The following TTC39A variants were observed in gnomAD, a reference collection of about 807,000 sequenced individuals.
The protein encoded by TTC39A is tetratricopeptide repeat protein 39A.
In TTC39A, 46 loss-of-function variants were observed where a neutral mutation model predicts 82.3. That is an observed-to-expected ratio of 0.56 (90% CI 0.44 to 0.71). The LOEUF is 0.71. TTC39A is among the 30% of genes least tolerant of loss of function. The probability of loss-of-function intolerance (pLI) is 0.00; values close to 1 mark genes in which losing one functional copy is unlikely to be tolerated. For synonymous variants in TTC39A, 254 were observed against 275.2 expected, an observed-to-expected ratio of 0.92 and a Z score of 0.76; for missense variants, 543 against 712.9, an observed-to-expected ratio of 0.76 and a Z score of 2.71.
In TTC39A at chr1:51,287,319, C is replaced by T. The variant is rs916760606; in HGVS notation, c.*838G>A. Reference sequence around the variant, plus strand: ...AGCAAATGTACCTTGGAGTGAAGTACAGAAGATTTTTATGTTTCATAAATT... The same window carrying T: ...AGCAAATGTACCTTGGAGTGAAGTATAGAAGATTTTTATGTTTCATAAATT... On this transcript the variant is annotated 3_prime_UTR_variant, in exon 18 of 18. Transcript: ENST00000680483. 7 of 152,150 alleles carry T rather than the reference C, an allele frequency of 4.6e-5. No homozygotes were observed. The highest frequency in any genetic ancestry group is 3.3e-4 in the Admixed American group (5 of 15,278). 9.4% of individuals were successfully genotyped at this position (152,150 alleles called of 1,614,324 possible). A position where few individuals can be genotyped will look rare whatever the true frequency, so the allele number is the denominator to read the frequency against.
Position 51,328,148 on chromosome 1 carries a change from G to A in TTC39A, c.41+2289C>T, listed in dbSNP as rs148895350. The stretch of plus-strand genomic sequence containing the variant: ...GGATCGCTTGAACCCAGTAGTTTGA[G>A]ACCAGTCTGGGCAACAAAGTGAGAT... On this transcript the variant is annotated intron_variant, in intron 1 of 17. Coordinates refer to ENST00000680483, the MANE Select transcript of TTC39A (RefSeq NM_001297663.2). 4.0e-3 allele frequency among the ~76,000 whole-genome samples: 607 copies of A among 152,294 alleles called. 6 individuals carry two copies. Among genetic ancestry groups the A allele is most frequent in the African/African-American group, 0.014 (591 of 41,550 alleles).
At chr1:51,289,571 T>C (rs1256759365) in intron 16 of TTC39A, among the ~76,000 whole-genome samples, 1 of 152,202 alleles carries the variant, frequency 6.6e-6, no homozygotes, top group Non-Finnish European at 1.5e-5. Context: ...ACATCAGCCT[T>C]GGAAAGCCTT....
intron 6 of TTC39A, among the ~76,000 whole-genome samples, chr1:51,306,849 ACAGAC>A (rs1644883896): frequency 2.2e-5 from 1 of 46,122 alleles, no homozygotes; most frequent in African/African-American, 8.3e-5. Flanking sequence ...ACTTTAAGGG[ACAGAC>A]CCCCCCCCCC....
chr1:51,289,432 A>G (rs539784171), intron 16 of TTC39A, among the ~76,000 whole-genome samples: 2 of 152,198 alleles, frequency 1.3e-5, no homozygotes, highest in East Asian at 1.9e-4. Context: ...CCAGGCAGGT[A>G]AAGACCCCAT....
In TTC39A at chr1:51,302,511, G is replaced by C; in HGVS notation, c.826C>G (p.Pro276Ala). The part of the protein sequence containing the change: ...KLLKPYLNRY[P>A]KGAIFLFFAG... ...GGGCAGCACATGGGGCTCACCTTAG[G>C]GTACCGGTTCAGGTAGGGCTTCAAG... The change falls in exon 10 of 18, where the codon CCT becomes GCT. Residue 276 changes from proline (P) to alanine (A), a missense_variant. Coordinates refer to ENST00000680483, the MANE Select transcript of TTC39A (RefSeq NM_001297663.2). 2 of 1,609,816 alleles carry C rather than the reference G, an allele frequency of 1.2e-6. No homozygotes were observed. Among genetic ancestry groups the C allele is most frequent in the Non-Finnish European group, 1.7e-6 (2 of 1,178,122 alleles).
chr1:51,306,875 T>C (rs1173366499), intron 6 of TTC39A, among the ~76,000 whole-genome samples: 1 of 34,440 alleles, frequency 2.9e-5, no homozygotes, highest in Non-Finnish European at 5.3e-5. Flanking sequence ...CGCCCCCCGA[T>C]TGAGTCACTA....
intron 1 of TTC39A, among the ~76,000 whole-genome samples, chr1:51,323,823 C>A (rs970697325): frequency 1.3e-5 from 2 of 152,088 alleles, no homozygotes; most frequent in Non-Finnish European, 2.9e-5. Flanking sequence ...ATAATTATTT[C>A]TATTCTATAT....
At chr1:51,302,238 T>TGGGGGGGGGGGGGGGGGGGGGGGGG in intron 11 of TTC39A, 119 bp downstream of exon 11, 6 of 723,686 alleles carry the variant, frequency 8.3e-6, no homozygotes, top group African/African-American at 1.9e-5. Context: ...GGTTCTCTCT[T>TGGGGGGGGGGGGGGGGGGGGGGGGG]GGCCCCCCCC....
chr1:51,331,488 G>A (rs142124731), upstream of TTC39A: 4 of 1,342,060 alleles, frequency 3.0e-6, no homozygotes, highest in African/African-American at 2.9e-5. Flanking sequence ...AGGAAGGACT[G>A]TAGCTCCCCT....
chr1:51,306,006 C>T lies in TTC39A; in HGVS notation c.559G>A (p.Val187Met), dbSNP rs929857609. Residue 187 changes from valine to methionine, a missense_variant, in exon 7 of 18, where the codon GTG (valine) becomes ATG (methionine). By Grantham distance (21) the Val-to-Met change is conservative. Coordinates refer to ENST00000680483, the MANE Select transcript of TTC39A (RefSeq NM_001297663.2). The part of the protein sequence containing the change: ...GENHPHFEGG[V>M]KLGVGAFNLT... Reference sequence around the variant, plus strand: ...TTGAAGGCCCCTACACCAAGCTTCACTCCTCCTTCAAAGTGCGGGTGGTTC... The same window carrying T: ...TTGAAGGCCCCTACACCAAGCTTCATTCCTCCTTCAAAGTGCGGGTGGTTC... 1.9e-6 allele frequency: 3 copies of T among 1,613,910 alleles called. No individual in the cohort carries two copies. Among genetic ancestry groups the T allele is most frequent in the Admixed American group, 3.3e-5 (2 of 60,002 alleles).
chr1:51,305,469 G>GCC (rs1285812545), intron 7 of TTC39A: 1 of 351,202 alleles, frequency 2.8e-6, no homozygotes, highest in Non-Finnish European at 5.4e-6. Flanking sequence ...CTGCCTGGAA[G>GCC]CCCCTCCCCA....
In TTC39A at chr1:51,288,052, TGGACCCCAAAGGCAG is replaced by T; in HGVS notation, c.*90_*104del. 1 of 1,496,922 alleles carries T rather than the reference TGGACCCCAAAGGCAG, an allele frequency of 6.7e-7. No individual in the cohort carries two copies. Among genetic ancestry groups the T allele is most frequent in the Non-Finnish European group, 9.0e-7 (1 of 1,113,618 alleles). 92.7% of individuals were successfully genotyped at this position (1,496,922 alleles called of 1,614,324 possible). A position where few individuals can be genotyped will look rare whatever the true frequency, so the allele number is the denominator to read the frequency against. On this transcript the variant is annotated 3_prime_UTR_variant, in exon 18 of 18. Coordinates refer to ENST00000680483, the MANE Select transcript of TTC39A (RefSeq NM_001297663.2). This position sits in a 1 kb window ranked among gnomAD's most constrained non-coding sequence, Gnocchi z 4.8. ...TTGTGCCATCCAACTGGAGTGCCGG[TGGACCCCAAAGGCAG>T]GGCAGGGCAGGGGGAGGGGGTATTT... is the stretch of plus-strand genomic sequence containing the variant.
intron 1 of TTC39A, 192 bp from the exon 2 acceptor site, chr1:51,322,017 G>T: frequency 6.8e-7 from 1 of 1,467,360 alleles, no homozygotes; most frequent in Non-Finnish European, 9.2e-7. Context: ...GTTCCCAAGG[G>T]TGGGAGGGGG....
At chr1:51,310,515 T>G (rs1160697934) in intron 5 of TTC39A, among the ~76,000 whole-genome samples, 2 of 152,024 alleles carry the variant, frequency 1.3e-5, no homozygotes, top group Non-Finnish European at 2.9e-5. Context: ...GTCAAAAAGA[T>G]AGAAAAAAAG....
At chr1:51,334,183 A>T (rs1570021151), upstream of TTC39A, among the ~76,000 whole-genome samples, 2 of 127,950 alleles carry the variant, frequency 1.6e-5, no homozygotes. Flanking sequence ...ACATGGTGAG[A>T]CCCTGTCTCT....
intron 16 of TTC39A, 141 bp downstream of exon 16, chr1:51,289,864 G>C (rs1011590520): frequency 1.5e-5 from 10 of 655,670 alleles, no homozygotes; most frequent in African/African-American, 3.7e-5. Context: ...TCCTGGCACA[G>C]AGTGGACACT....
chr1:51,307,151 C>G lies in TTC39A; in HGVS notation c.489-1075G>C, dbSNP rs562763147. Among the ~76,000 whole-genome samples the G allele has an allele frequency of 3.3e-5, 5 of 152,256 alleles. No individual in the cohort carries two copies. The East Asian group carries it at 9.6e-4, about 29-fold the overall frequency. On this transcript the variant is annotated intron_variant, in intron 6 of 17. Transcript: ENST00000680483. ...GGCAAGAAGGGCCAGGGTGACCTCC[C>G]AGGAAGAACTTGGCAATAACCCAGG...
upstream of TTC39A, chr1:51,330,688 C>T (rs181633080): frequency 9.3e-3 from 8,731 of 936,668 alleles, 53 homozygotes; most frequent in Admixed American, 0.017. This position sits in a 1 kb window ranked among gnomAD's most constrained non-coding sequence, Gnocchi z 4.5. Context: ...CCCGCGCTCC[C>T]GCACCGCCGG....
intron 1 of TTC39A, among the ~76,000 whole-genome samples, chr1:51,341,704 AAC>A (rs202169726): frequency 1.3e-4 from 19 of 151,776 alleles, no homozygotes; most frequent in Non-Finnish European, 2.2e-4. Flanking sequence ...TAAAAGCTTC[AAC>A]ACACACACAC....
Sources: allele counts gnomAD v4.1 joint callset (sites outside exome capture counted in the v4.1 genomes callset), GRCh38; gene constraint gnomAD v4.1.1; non-coding constraint Gnocchi (gnomAD v3.1); transcripts MANE v1.5; gene names NCBI Gene and HGNC (gene_info 2026-07-23, HGNC 2026-07-21).